Variants in NEXMIF observed in about 807,000 individuals in gnomAD.
NEXMIF encodes neurite extension and migration factor, also known as XLMR protein related to neurite extension.
NEXMIF carries 8 observed loss-of-function variants against 62.1 expected under a neutral mutation model. That is an observed-to-expected ratio of 0.13 (90% CI 0.08 to 0.23). The LOEUF (loss-of-function observed/expected upper bound fraction) is 0.23. Ranked by LOEUF, NEXMIF falls within the 10% of genes least tolerant of loss-of-function variation. The pLI is 1.00. For missense variants in NEXMIF, 976 were observed against 1,113.3 expected (o/e 0.88, Z 1.75); for synonymous variants, 404 against 416.6 (o/e 0.97, Z 0.37).
intron 1 of NEXMIF, among the ~76,000 whole-genome samples, chrX:74,771,312 G>A (rs766428384): frequency 9.0e-5 from 10 of 110,759 alleles, no homozygotes; most frequent in Admixed American, 1.9e-4. Flanking sequence ...GCATGAAGGT[G>A]GTGGTGGTGG....
In NEXMIF at chrX:74,827,384, C is replaced by T. The variant is rs747375606; in HGVS notation, c.-47-81687G>A. Among the ~76,000 whole-genome samples the T allele has an allele frequency of 1.7e-4, 19 of 111,739 alleles. No individual in the cohort carries two copies. The Admixed American group carries it at 1.8e-3, about 11-fold the overall frequency. ...AATTCCCACAGCTAAAGTCAAGCTC[C>T]AGCAGGTGGGCCCAACTCCATTCCA... is the stretch of plus-strand genomic sequence containing the variant. On this transcript the variant is annotated intron_variant, in intron 1 of 3. Coordinates refer to ENST00000055682, the MANE Select transcript of NEXMIF (RefSeq NM_001008537.3).
intron 1 of NEXMIF, among the ~76,000 whole-genome samples, chrX:74,874,007 T>C (rs766169758): frequency 9.0e-6 from 1 of 111,300 alleles, no homozygotes; most frequent in South Asian, 3.8e-4. Context: ...TTAGATCCCA[T>C]TTGTCAATTT....
chrX:74,827,425 C>A (rs768941623), intron 1 of NEXMIF, among the ~76,000 whole-genome samples: 2 of 111,762 alleles, frequency 1.8e-5, no homozygotes, highest in Non-Finnish European at 3.8e-5. Context: ...TGGGTCATTT[C>A]ATCCCCTAGG....
chrX:74,748,737 C>A (rs1356445177), intron 1 of NEXMIF, among the ~76,000 whole-genome samples: 2 of 111,666 alleles, frequency 1.8e-5, no homozygotes, highest in African/African-American at 3.3e-5. Flanking sequence ...TTGAGAAAGG[C>A]TCATAGATCC....
intron 1 of NEXMIF, among the ~76,000 whole-genome samples, chrX:74,853,266 G>A (rs1286410249): frequency 3.6e-5 from 4 of 110,040 alleles, no homozygotes; most frequent in Non-Finnish European, 5.7e-5. Flanking sequence ...AGAGGCTTGA[G>A]GAGGCAGTGA....
At chrX:74,784,236 T>C (rs1248259908) in intron 1 of NEXMIF, among the ~76,000 whole-genome samples, 1 of 111,825 alleles carries the variant, frequency 8.9e-6, no homozygotes, top group African/African-American at 3.3e-5. Context: ...CTATGCCTTC[T>C]GCAAAGGCTC....
At position 74,887,829 on chromosome X, in the gene NEXMIF, A is replaced by C. The variant is rs781715946; in HGVS notation, c.-48+37054T>G. ...CCAAAGGATTATAAATCATGCTGCT[A>C]TAAAGACACATGCACACATATGTTT... On this transcript the variant is annotated intron_variant, in intron 1 of 3. Coordinates refer to ENST00000055682, the MANE Select transcript of NEXMIF (RefSeq NM_001008537.3). Among the ~76,000 whole-genome samples, 8 of 112,200 alleles carry C rather than the reference A, an allele frequency of 7.1e-5. No individual in the cohort carries two copies. In the East Asian group the frequency reaches 2.0e-3, roughly 27 times the overall value.
At chrX:74,792,224 C>T (rs1305927260) in intron 1 of NEXMIF, among the ~76,000 whole-genome samples, 20 of 111,469 alleles carry the variant, frequency 1.8e-4, no homozygotes, top group African/African-American at 4.9e-4. Flanking sequence ...GCCTTCATTT[C>T]GTTATGTACC....
intron 1 of NEXMIF, among the ~76,000 whole-genome samples, chrX:74,800,790 T>C (rs2080327403): frequency 9.0e-6 from 1 of 111,373 alleles, no homozygotes; most frequent in African/African-American, 3.3e-5. Flanking sequence ...TTTTTTCTTT[T>C]CCCCCACCCC....
intron 1 of NEXMIF, among the ~76,000 whole-genome samples, chrX:74,853,391 GGTGGA>G (rs2080522901): frequency 9.3e-6 from 1 of 107,796 alleles, no homozygotes. Flanking sequence ...GCCTCCACCT[GGTGGA>G]GGCCATGATG....
At chrX:74,765,931 C>T (rs1388202812) in intron 1 of NEXMIF, among the ~76,000 whole-genome samples, 1 of 104,591 alleles carries the variant, frequency 9.6e-6, no homozygotes, top group African/African-American at 3.5e-5. Context: ...GTCCCAGCTA[C>T]TCAGGAGGCT....
intron 1 of NEXMIF, among the ~76,000 whole-genome samples, chrX:74,871,180 TAAAC>T (rs762628116): frequency 6.3e-5 from 7 of 110,973 alleles, no homozygotes; most frequent in Admixed American, 1.9e-4. Flanking sequence ...GTCTGAGAAA[TAAAC>T]AAAAAGAGTA....
At chrX:74,918,443 T>A (rs2080815184) in intron 1 of NEXMIF, among the ~76,000 whole-genome samples, 1 of 112,204 alleles carries the variant, frequency 8.9e-6, no homozygotes, top group African/African-American at 3.2e-5. Context: ...GTCTCTGGGT[T>A]AATAAATCAT....
chrX:74,756,841 A>G (rs2080160946), intron 1 of NEXMIF, among the ~76,000 whole-genome samples: 1 of 111,279 alleles, frequency 9.0e-6, no homozygotes, highest in Non-Finnish European at 1.9e-5. Flanking sequence ...TAAAGTCTGC[A>G]TAGGAAACAC....
intron 1 of NEXMIF, among the ~76,000 whole-genome samples, chrX:74,753,285 T>C (rs769141066): frequency 2.9e-4 from 33 of 112,026 alleles, no homozygotes; most frequent in Non-Finnish European, 5.1e-4. Context: ...TCTTGGAAGA[T>C]AGTCTCATCC....
chrX:74,919,853 C>A (rs957827319), intron 1 of NEXMIF, among the ~76,000 whole-genome samples: 9 of 110,390 alleles, frequency 8.2e-5, no homozygotes, highest in African/African-American at 3.0e-4. Flanking sequence ...TCAATTCCCA[C>A]CTATGAGTGA....
intron 1 of NEXMIF, among the ~76,000 whole-genome samples, chrX:74,784,363 A>G (rs1162478784): frequency 9.0e-6 from 1 of 111,522 alleles, no homozygotes; most frequent in East Asian, 2.8e-4. Flanking sequence ...AGAAAGTACA[A>G]TGTGAAACTG....
At chrX:74,875,569 G>C (rs190681511) in intron 1 of NEXMIF, among the ~76,000 whole-genome samples, 2 of 111,976 alleles carry the variant, frequency 1.8e-5, no homozygotes, top group African/African-American at 3.2e-5. Flanking sequence ...AGAAGGAATG[G>C]TACCAGTTCC....
intron 1 of NEXMIF, among the ~76,000 whole-genome samples, chrX:74,872,392 G>T (rs1268596979): frequency 9.7e-6 from 1 of 103,229 alleles, no homozygotes; most frequent in African/African-American, 3.5e-5. Context: ...TTAACACATA[G>T]GGATAGACAG....
Sources: gnomAD v4.1 joint callset for allele counts (sites outside exome capture counted in the v4.1 genomes callset) on GRCh38, gnomAD v4.1.1 for gene constraint, MANE v1.5 for transcripts, NCBI Gene and HGNC (gene_info 2026-07-23, HGNC 2026-07-21) for gene names.